Variants in MNAT1 observed in about 807,000 individuals in gnomAD.
MNAT1 encodes the protein CDK-activating kinase assembly factor MAT1.
A neutral mutation model predicts 42.0 loss-of-function variants in MNAT1; 43 were observed. That is an observed-to-expected ratio of 1.02 (90% CI 0.80 to 1.32). MNAT1 has a LOEUF of 1.32. MNAT1 is among the 40% of genes most tolerant of loss of function. The probability of loss-of-function intolerance (pLI) is 0.00; values close to 1 mark genes in which losing one functional copy is unlikely to be tolerated. For synonymous variants in MNAT1, 118 were observed against 120.0 expected (o/e 0.98, Z 0.11); for missense variants, 306 against 350.4 (o/e 0.87, Z 1.01).
At chr14:60,840,342 C>T (rs745821684) in intron 6 of MNAT1, among the ~76,000 whole-genome samples, 7 of 152,120 alleles carry the variant, frequency 4.6e-5, no homozygotes, top group African/African-American at 7.2e-5. Flanking sequence ...TAAGAAAGAA[C>T]GAGGGTGGGT....
chr14:60,954,292 T>C (rs1054860533), intron 7 of MNAT1, among the ~76,000 whole-genome samples: 3 of 152,192 alleles, frequency 2.0e-5, no homozygotes, highest in African/African-American at 7.2e-5. Context: ...GATGGAATCA[T>C]TGAATCTGTT....
intron 7 of MNAT1, among the ~76,000 whole-genome samples, chr14:60,894,174 C>T (rs1160683536): frequency 1.5e-4 from 23 of 152,012 alleles, no homozygotes; most frequent in Admixed American, 1.4e-3. Context: ...GTTGGTTTCT[C>T]TTTCCTGTTT....
Position 60,870,870 on chromosome 14 carries a change from G to T in MNAT1, c.688-8844G>T, listed in dbSNP as rs4151287. Among the ~76,000 whole-genome samples the T allele has an allele frequency of 7.1e-3, 1,077 of 152,130 alleles. 17 individuals carry two copies. The highest frequency in any genetic ancestry group is 0.025 in the African/African-American group (1,021 of 41,506). On this transcript the variant is annotated intron_variant, in intron 6 of 7. Transcript: ENST00000261245. The stretch of plus-strand genomic sequence containing the variant: ...TAGGATGTTTTCATCACTCCAAAGA[G>T]GTCTCTGATACTCATTTGCAGACAC...
At chr14:60,926,584 C>T (rs200206406) in intron 7 of MNAT1, among the ~76,000 whole-genome samples, 12 of 152,290 alleles carry the variant, frequency 7.9e-5, no homozygotes, top group East Asian at 3.9e-4. Context: ...AGAGGATATA[C>T]GTGAACAGCC....
chr14:60,796,183 G>A, intron 1 of MNAT1, 34 bp from the exon 2 acceptor site: 2 of 1,585,594 alleles, frequency 1.3e-6, no homozygotes, highest in South Asian at 1.2e-5. Flanking sequence ...TTGAACATTG[G>A]CTTAAATGTT....
chr14:60,849,504 G>A (rs185209932), intron 6 of MNAT1, among the ~76,000 whole-genome samples: 103 of 152,262 alleles, frequency 6.8e-4, no homozygotes, highest in Admixed American at 4.4e-3. Context: ...ATAATGAAGT[G>A]TTTTGAACTG....
chr14:60,890,144 A>G (rs1305936961), intron 7 of MNAT1, among the ~76,000 whole-genome samples: 9 of 152,224 alleles, frequency 5.9e-5, no homozygotes, highest in Admixed American at 3.3e-4. Flanking sequence ...ATAAAGACAC[A>G]TGCACACATA....
At chr14:60,749,824 G>T (rs1349646819) in intron 1 of MNAT1, among the ~76,000 whole-genome samples, 1 of 152,158 alleles carries the variant, frequency 6.6e-6, no homozygotes, top group Non-Finnish European at 1.5e-5. Context: ...AATTAAATGA[G>T]ATTTTAATGA....
chr14:60,838,711 C>T (rs555158518), intron 6 of MNAT1, among the ~76,000 whole-genome samples: 2 of 151,704 alleles, frequency 1.3e-5, no homozygotes, highest in African/African-American at 2.4e-5. Flanking sequence ...CTGGCAGCTG[C>T]AGCTGCCCAC....
intron 6 of MNAT1, among the ~76,000 whole-genome samples, chr14:60,845,733 G>A (rs1259513774): frequency 6.6e-6 from 1 of 152,050 alleles, no homozygotes; most frequent in Non-Finnish European, 1.5e-5. Context: ...TTCTGTTTCT[G>A]TATAGTTATC....
chr14:60,813,206 G>A (rs1300660048), intron 5 of MNAT1, among the ~76,000 whole-genome samples: 1 of 152,218 alleles, frequency 6.6e-6, no homozygotes, highest in Admixed American at 6.5e-5. Context: ...CGTGCCTGGG[G>A]CGGATGGCTG....
At chr14:60,764,731 A>G (rs2030744780) in intron 1 of MNAT1, among the ~76,000 whole-genome samples, 1 of 152,224 alleles carries the variant, frequency 6.6e-6, no homozygotes, top group African/African-American at 2.4e-5. Context: ...CAAGGCAAGG[A>G]ATGTGTATAC....
chr14:60,873,404 A>G (rs1461452281), intron 6 of MNAT1, among the ~76,000 whole-genome samples: 1 of 152,148 alleles, frequency 6.6e-6, no homozygotes, highest in African/African-American at 2.4e-5. Flanking sequence ...CAACAAAGAT[A>G]AATAATTTCA....
At chr14:60,832,804 C>T (rs1333574464) in intron 6 of MNAT1, among the ~76,000 whole-genome samples, 1 of 152,096 alleles carries the variant, frequency 6.6e-6, no homozygotes, top group African/African-American at 2.4e-5. Context: ...TCTTCCTATC[C>T]ATGAGTATGG....
chr14:60,936,114 A>T (rs1406639935), intron 7 of MNAT1, among the ~76,000 whole-genome samples: 2 of 152,156 alleles, frequency 1.3e-5, no homozygotes, highest in East Asian at 3.9e-4. Context: ...CCCAGTGCGC[A>T]TGTGGGCATG....
chr14:60,916,885 G>A (rs530600959), intron 7 of MNAT1, among the ~76,000 whole-genome samples: 2 of 152,214 alleles, frequency 1.3e-5, no homozygotes, highest in South Asian at 2.1e-4. Flanking sequence ...CCTGGGAGGC[G>A]GGGGTTGCAG....
At chr14:60,943,158 G>A (rs1184616144) in intron 7 of MNAT1, among the ~76,000 whole-genome samples, 1 of 147,596 alleles carries the variant, frequency 6.8e-6, no homozygotes, top group Non-Finnish European at 1.5e-5. Flanking sequence ...AGAGAACCAT[G>A]TGTATTTGTA....
chr14:60,830,516 C>T (rs1465439166), intron 6 of MNAT1, among the ~76,000 whole-genome samples: 2 of 152,152 alleles, frequency 1.3e-5, no homozygotes, highest in African/African-American at 4.8e-5. Flanking sequence ...CCGGCTGCCA[C>T]AAATGTTTGG....
chr14:60,960,346 T>C (rs1283731458), intron 7 of MNAT1, among the ~76,000 whole-genome samples: 1 of 152,238 alleles, frequency 6.6e-6, no homozygotes, highest in Admixed American at 6.5e-5. Flanking sequence ...CCATTACACA[T>C]TGTAGTTCTC....
Sources: allele counts gnomAD v4.1 joint callset (sites outside exome capture counted in the v4.1 genomes callset), GRCh38; gene constraint gnomAD v4.1.1; transcripts MANE v1.5; gene names NCBI Gene and HGNC (gene_info 2026-07-23, HGNC 2026-07-21).